The following PHKB variants were observed in gnomAD, a reference collection of about 807,000 sequenced individuals.
PHKB encodes the protein phosphorylase b kinase regulatory subunit beta.
In PHKB, 122 loss-of-function variants were observed where a neutral mutation model predicts 152.1. The observed-to-expected ratio is 0.80, with a 90% confidence interval of 0.69 to 0.93. The LOEUF (loss-of-function observed/expected upper bound fraction) is 0.93. Among genes scored for constraint, PHKB ranks in the 40% least tolerant of loss-of-function variants. The pLI, the probability that PHKB is intolerant of heterozygous loss-of-function variation, is 0.00. For synonymous variants in PHKB, 436 were observed against 464.9 expected (o/e 0.94, Z 0.80); for missense variants, 1,304 against 1,328.4 (o/e 0.98, Z 0.29).
chr16:47,536,087 T>TG (rs1970947156), intron 6 of PHKB, among the ~76,000 whole-genome samples: 1 of 152,204 alleles, frequency 6.6e-6, no homozygotes, highest in Non-Finnish European at 1.5e-5. Flanking sequence ...GTTTCACTCT[T>TG]GTTGCCCAGG....
chr16:47,681,317 G>T (rs1394094313), intron 26 of PHKB, among the ~76,000 whole-genome samples: 1 of 148,706 alleles, frequency 6.7e-6, no homozygotes, highest in Non-Finnish European at 1.5e-5. Context: ...TCAATTCCTG[G>T]GTATCCTTGT....
At chr16:47,480,046 A>G (rs1401120292) in intron 1 of PHKB, among the ~76,000 whole-genome samples, 1 of 152,188 alleles carries the variant, frequency 6.6e-6, no homozygotes, top group African/African-American at 2.4e-5. Context: ...ATGAGTATAT[A>G]TATATACATC....
In PHKB at chr16:47,696,433, T is replaced by C. The variant is rs755436316; in HGVS notation, c.2948T>C (p.Val983Ala). The C allele has an allele frequency of 1.6e-5, 25 of 1,612,336 alleles. No homozygotes were observed. In the Admixed American group the frequency reaches 2.5e-4, roughly 16 times the overall value. The change falls in exon 29 of 31, where the codon GTT becomes GCT. Residue 983 changes from valine (V) to alanine (A), a missense_variant. Val to Ala is a moderately conservative substitution (Grantham distance 64). Transcript: ENST00000323584. ...TATGAGATGAATTTCTCTCTCCTTG[T>C]TGAAGACACGTTGGGAAATATTGAC... ...TMYEMNFSLLVEDTLGNIDQP... is the reference protein window; with the variant it reads ...TMYEMNFSLLAEDTLGNIDQP...
rs1043626347 is a variant in PHKB at position 47,700,314 on chromosome 16, A to C, written c.*948A>C. The stretch of plus-strand genomic sequence containing the variant: ...CAGTGAGCTGAAATCCTGCCACTGC[A>C]CACCAGCCTGGGTGACAGAGCGAGA... On this transcript the variant is annotated 3_prime_UTR_variant, in exon 31 of 31. Coordinates refer to ENST00000323584, the MANE Select transcript of PHKB (RefSeq NM_000293.3). 6.7e-6 allele frequency: 1 copy of C among 150,008 alleles called. No individual in the cohort carries two copies. The highest frequency in any genetic ancestry group is 6.7e-5 in the Admixed American group (1 of 14,918). The allele number at this position is 150,008 out of a possible 1,614,324, so 9.3% of individuals were successfully genotyped here. A position where few individuals can be genotyped will look rare whatever the true frequency, so the allele number is the denominator to read the frequency against.
At chr16:47,518,335 G>A (rs998346014) in intron 6 of PHKB, among the ~76,000 whole-genome samples, 17 of 152,030 alleles carry the variant, frequency 1.1e-4, no homozygotes, top group African/African-American at 3.9e-4. Context: ...TGGACTTTGG[G>A]GTTTTTGATA....
At chr16:47,602,949 A>C (rs1368678451) in intron 13 of PHKB, among the ~76,000 whole-genome samples, 3 of 151,972 alleles carry the variant, frequency 2.0e-5, no homozygotes, top group Non-Finnish European at 4.4e-5. Context: ...CTCTCTCTCT[A>C]AGGGCAACCT....
chr16:47,464,040 C>T (rs1270193932), intron 1 of PHKB: 2 of 1,185,280 alleles, frequency 1.7e-6, no homozygotes, highest in Admixed American at 1.7e-5. Flanking sequence ...TTTTAAATAC[C>T]TTTGTTTCTG....
intron 5 of PHKB, among the ~76,000 whole-genome samples, chr16:47,513,530 G>A (rs1314746621): frequency 6.6e-6 from 1 of 152,196 alleles, no homozygotes. Context: ...CTGCCAGGAA[G>A]TCAGGAGACA....
At chr16:47,666,353 G>T (rs1418203053) in intron 25 of PHKB, among the ~76,000 whole-genome samples, 1 of 152,190 alleles carries the variant, frequency 6.6e-6, no homozygotes, top group African/African-American at 2.4e-5. Flanking sequence ...GCAGAACAGA[G>T]GTAGGTGAAC....
intron 13 of PHKB, among the ~76,000 whole-genome samples, chr16:47,602,060 A>G (rs982129830): frequency 2.0e-5 from 3 of 152,090 alleles, no homozygotes; most frequent in Non-Finnish European, 4.4e-5. Context: ...GAATCTCACA[A>G]CAGAATTTTT....
rs1974236157 is a variant in PHKB at position 47,700,841 on chromosome 16, G to A, written c.*1475G>A. The stretch of plus-strand genomic sequence containing the variant: ...GAGTGGCTTCAGTATTGAGTCAATC[G>A]ATATCAAATGAATGGATGTGTGAGC... On this transcript the variant is annotated 3_prime_UTR_variant, in exon 31 of 31. Transcript: ENST00000323584. 1 of 152,060 alleles carries A rather than the reference G, an allele frequency of 6.6e-6. No individual in the cohort carries two copies. The highest frequency in any genetic ancestry group is 2.1e-4 in the South Asian group (1 of 4,822). The allele number at this position is 152,060 out of a possible 1,614,324, so 9.4% of individuals were successfully genotyped here. A position where few individuals can be genotyped will look rare whatever the true frequency, so the allele number is the denominator to read the frequency against.
Position 47,701,447 on chromosome 16 carries a change from A to T in PHKB, c.*2081A>T, listed in dbSNP as rs1974245468. The T allele has an allele frequency of 6.6e-6, 1 of 152,194 alleles. No individual in the cohort carries two copies. Among genetic ancestry groups the T allele is most frequent in the Non-Finnish European group, 1.5e-5 (1 of 68,036 alleles). 9.4% of individuals were successfully genotyped at this position (152,194 alleles called of 1,614,324 possible). A position where few individuals can be genotyped will look rare whatever the true frequency, so the allele number is the denominator to read the frequency against. On this transcript the variant is annotated 3_prime_UTR_variant, in exon 31 of 31. Transcript: ENST00000323584. ...CATTCAGAATCTGTGACACGTATTG[A>T]CTTCATGCTTTGAGATTCAAAATTT...
At chr16:47,669,177 G>A in intron 25 of PHKB, 38 bp from the exon 26 acceptor site, 1 of 1,505,760 alleles carries the variant, frequency 6.6e-7, no homozygotes, top group Non-Finnish European at 9.2e-7. Flanking sequence ...TCTTTTAGTA[G>A]CTAGGAGAAT....
At chr16:47,696,351 A>G in intron 28 of PHKB, 30 bp from the exon 29 acceptor site, 1 of 1,027,170 alleles carries the variant, frequency 9.7e-7, no homozygotes, top group Non-Finnish European at 1.6e-6. Context: ...ATAACGGTTC[A>G]GCATGTTAAT....
Position 47,530,700 on chromosome 16 carries a change from A to G in PHKB, c.594+15099A>G, listed in dbSNP as rs568320590. On this transcript the variant is annotated intron_variant, in intron 6 of 30. Transcript: ENST00000323584. ...ATCTATAGAGCAGCAATAACTAGTC[A>G]GAAAATTGGTCTAATGTAAAGTAAA... 1.4e-3 allele frequency among the ~76,000 whole-genome samples: 211 copies of G among 152,362 alleles called. 2 individuals are homozygous for G. The highest frequency in any genetic ancestry group is 7.9e-3 in the South Asian group (38 of 4,834).
intron 20 of PHKB, among the ~76,000 whole-genome samples, chr16:47,651,373 C>G (rs1300483321): frequency 6.6e-6 from 1 of 152,152 alleles, no homozygotes; most frequent in East Asian, 1.9e-4. Flanking sequence ...CCTCTCTGTC[C>G]ACAGTTCTCT....
At chr16:47,585,563 T>A (rs572629425) in intron 8 of PHKB, among the ~76,000 whole-genome samples, 13 of 152,138 alleles carry the variant, frequency 8.5e-5, no homozygotes, top group Non-Finnish European at 1.8e-4. Flanking sequence ...CCTGGGGAGA[T>A]TTTACCCTCC....
intron 1 of PHKB, among the ~76,000 whole-genome samples, chr16:47,484,621 C>G (rs922298927): frequency 5.9e-5 from 9 of 152,112 alleles, no homozygotes; most frequent in Non-Finnish European, 1.2e-4. Context: ...TGCACATGTA[C>G]AGTTTGTCTT....
intron 6 of PHKB, among the ~76,000 whole-genome samples, chr16:47,516,398 T>A (rs543536138): frequency 3.2e-4 from 48 of 152,352 alleles, no homozygotes; most frequent in Non-Finnish European, 5.4e-4. Context: ...AAAGAATTCA[T>A]ATCCCAAAGA....
Sources: allele counts gnomAD v4.1 joint callset (sites outside exome capture counted in the v4.1 genomes callset), GRCh38; gene constraint gnomAD v4.1.1; transcripts MANE v1.5; gene names NCBI Gene and HGNC (gene_info 2026-07-23, HGNC 2026-07-21).